SIK2: variants seen among roughly 807,000 people sequenced by gnomAD.
SIK2 encodes the protein salt inducible kinase 2.
SIK2 carries 29 observed loss-of-function variants against 103.2 expected under a neutral mutation model. The observed-to-expected ratio is 0.28, with a 90% CI of 0.21 to 0.38. The LOEUF is 0.38. SIK2 is among the 10% of genes least tolerant of loss of function. SIK2 has a pLI of 1.00. For missense variants in SIK2, 879 were observed against 1,171.0 expected, an observed-to-expected ratio of 0.75 and a Z score of 3.64; for synonymous variants, 412 against 446.1, an observed-to-expected ratio of 0.92 and a Z score of 0.96.
At chr11:111,717,528 G>A (rs570580580) in intron 9 of SIK2, among the ~76,000 whole-genome samples, 18 of 152,258 alleles carry the variant, frequency 1.2e-4, no homozygotes, top group Admixed American at 1.0e-3. Flanking sequence ...GTGGAAGACA[G>A]TGTGGCAATT....
intron 3 of SIK2, among the ~76,000 whole-genome samples, chr11:111,651,565 T>C (rs1349036316): frequency 1.3e-5 from 2 of 152,148 alleles, no homozygotes; most frequent in Admixed American, 1.3e-4. Context: ...TCAGGATAAA[T>C]AGCTAATGCA....
At chr11:111,606,956 G>GAAAA (rs61590310) in intron 1 of SIK2, among the ~76,000 whole-genome samples, 9 of 139,360 alleles carry the variant, frequency 6.5e-5, no homozygotes, top group South Asian at 2.2e-4. Context: ...TCATTAAAAA[G>GAAAA]AAAAAAAAAA....
rs757951125 is a variant in SIK2, at chr11:111,720,926, A to G, written c.1808A>G (p.Gln603Arg). ...ATTGTAGCATTTAGACAACATCTTC[A>G]GAATCTGGCTAGAACCAAAGGAATT... ...QGIVAFRQHL[Q>R]NLARTKGILE... The change falls in exon 12 of 15, where the codon CAG becomes CGG. Residue 603 changes from glutamine to arginine, a missense_variant. By Grantham distance (43) the Gln-to-Arg change is conservative. Around this residue, in one of 7 missense-constraint regions of SIK2, gnomAD observed 375 missense variants for 416.3 expected, o/e 0.90. Coordinates refer to ENST00000304987, the MANE Select transcript of SIK2 (RefSeq NM_015191.3). 30 of 1,613,838 alleles carry G rather than the reference A, an allele frequency of 1.9e-5. No homozygotes were observed. Among genetic ancestry groups the G allele is most frequent in the Non-Finnish European group, 8.5e-7 (1 of 1,179,972 alleles).
Position 111,727,256 on chromosome 11 carries a change from G to C in SIK2, c.*3127G>C, listed in dbSNP as rs1944002956. The C allele has an allele frequency of 1.7e-6, 1 of 597,982 alleles. No homozygotes were observed. Among genetic ancestry groups the C allele is most frequent in the Non-Finnish European group, 3.0e-6 (1 of 335,620 alleles). The allele number at this position is 597,982 out of a possible 1,614,324, so 37.0% of individuals were successfully genotyped here. ...GTGGGAGAGCATCAGGGCCCACCAG[G>C]GGAGTGGGGATGGGGCTCAGGGGCT... On this transcript the variant is annotated 3_prime_UTR_variant, in exon 15 of 15. Transcript: ENST00000304987.
chr11:111,699,877 A>C (rs1943169972), intron 4 of SIK2, among the ~76,000 whole-genome samples: 1 of 152,194 alleles, frequency 6.6e-6, no homozygotes, highest in Admixed American at 6.5e-5. Flanking sequence ...CTGGCAGTAG[A>C]GACTTGATCC....
Position 111,705,163 on chromosome 11 carries a change from C to A in SIK2, c.1101+24C>A. ...AGGTAATGCCCCCTTAGCTGAGAGTCTTATCTGTGCATGTGCCTGTTCACA... is the reference window on the plus strand; with the variant it reads ...AGGTAATGCCCCCTTAGCTGAGAGTATTATCTGTGCATGTGCCTGTTCACA... On this transcript the variant is annotated intron_variant, in intron 8 of 14. Coordinates refer to ENST00000304987, the MANE Select transcript of SIK2 (RefSeq NM_015191.3). This position sits in a 1 kb window ranked among gnomAD's most constrained non-coding sequence, Gnocchi z 4.3. 1.3e-6 allele frequency: 2 copies of A among 1,536,290 alleles called. No homozygotes were observed. The highest frequency in any genetic ancestry group is 2.7e-5 in the South Asian group (2 of 75,454).
Position 111,619,244 on chromosome 11 carries a change from G to A in SIK2, c.253-1095G>A, listed in dbSNP as rs11213953. Among the ~76,000 whole-genome samples, 1,512 of 152,178 alleles carry A rather than the reference G, an allele frequency of 9.9e-3. 12 individuals are homozygous for A. Among genetic ancestry groups the A allele is most frequent in the Admixed American group, 0.021 (316 of 15,284 alleles). On this transcript the variant is annotated intron_variant, in intron 2 of 14. Transcript: ENST00000304987. ...TAGCTTTTAGTTTTCTGACCTCGTGGAGAATAGTCTTAAACCTACATCTTA... is the reference window on the plus strand; with the variant it reads ...TAGCTTTTAGTTTTCTGACCTCGTGAAGAATAGTCTTAAACCTACATCTTA...
intron 1 of SIK2, among the ~76,000 whole-genome samples, chr11:111,609,522 A>T (rs1009575248): frequency 6.6e-6 from 1 of 152,176 alleles, no homozygotes; most frequent in African/African-American, 2.4e-5. Flanking sequence ...AGGTTTTGCC[A>T]TGTTGCCCAA....
chr11:111,659,901 G>C (rs1942445359), intron 3 of SIK2, among the ~76,000 whole-genome samples: 1 of 152,204 alleles, frequency 6.6e-6, no homozygotes, highest in Non-Finnish European at 1.5e-5. Context: ...GGAGACACAG[G>C]TTCTTTGCAT....
At chr11:111,669,719 A>G (rs892076880) in intron 3 of SIK2, among the ~76,000 whole-genome samples, 2 of 152,120 alleles carry the variant, frequency 1.3e-5, no homozygotes, top group Admixed American at 1.3e-4. Flanking sequence ...GGCTGTGGCA[A>G]TTTACCCAGT....
chr11:111,660,078 T>A (rs1942447550), intron 3 of SIK2, among the ~76,000 whole-genome samples: 1 of 152,210 alleles, frequency 6.6e-6, no homozygotes. Context: ...AACCTCATGT[T>A]TCATTGGCTG....
intron 8 of SIK2, among the ~76,000 whole-genome samples, chr11:111,707,295 C>T (rs1432818089): frequency 2.0e-5 from 3 of 152,178 alleles, no homozygotes; most frequent in African/African-American, 4.8e-5. Flanking sequence ...TTCCTGAGCA[C>T]GTGCATGTGT....
At chr11:111,650,245 T>C (rs1332970379) in intron 3 of SIK2, among the ~76,000 whole-genome samples, 1 of 152,044 alleles carries the variant, frequency 6.6e-6, no homozygotes. Context: ...CATGACTTGA[T>C]TAAGCCATCT....
intron 7 of SIK2, among the ~76,000 whole-genome samples, chr11:111,704,711 C>T (rs1416412990): frequency 6.6e-6 from 1 of 152,068 alleles, no homozygotes; most frequent in African/African-American, 2.4e-5. Context: ...ACAATGATGG[C>T]ATTTTCTCTG....
Position 111,602,963 on chromosome 11 carries a change from C to T in SIK2, c.135+265C>T, listed in dbSNP as rs542171962. On this transcript the variant is annotated intron_variant, in intron 1 of 14. Coordinates refer to ENST00000304987, the MANE Select transcript of SIK2 (RefSeq NM_015191.3). This position sits in a 1 kb window ranked among gnomAD's most constrained non-coding sequence, Gnocchi z 4.5. ...GCTTTGCTTTCCCCTACGCCACCCC[C>T]GGTGGCCACCCGGAATTTCGCCCAG... is the stretch of plus-strand genomic sequence containing the variant. 1.3e-5 allele frequency among the ~76,000 whole-genome samples: 2 copies of T among 151,784 alleles called. No homozygotes were observed. Among genetic ancestry groups the T allele is most frequent in the East Asian group, 3.9e-4 (2 of 5,104 alleles).
chr11:111,638,415 C>T (rs1242861990), intron 3 of SIK2, among the ~76,000 whole-genome samples: 1 of 152,188 alleles, frequency 6.6e-6, no homozygotes, highest in East Asian at 1.9e-4. Flanking sequence ...ACCTGATCAT[C>T]CTTATTTTAG....
At chr11:111,690,091 T>C (rs7947113) in intron 4 of SIK2, among the ~76,000 whole-genome samples, 4,793 of 152,202 alleles carry the variant, frequency 0.031, 242 homozygotes, top group African/African-American at 0.11. Flanking sequence ...ACTTTCATAG[T>C]TTATGTCTGT....
At chr11:111,657,604 G>A (rs867138878) in intron 3 of SIK2, among the ~76,000 whole-genome samples, 3 of 152,182 alleles carry the variant, frequency 2.0e-5, no homozygotes, top group Admixed American at 6.5e-5. Context: ...GCCCAGGCTG[G>A]CCTCGAGGTC....
At chr11:111,632,232 G>A (rs774104094) in intron 3 of SIK2, among the ~76,000 whole-genome samples, 8 of 152,190 alleles carry the variant, frequency 5.3e-5, no homozygotes, top group Middle Eastern at 3.4e-3. Context: ...CCTCTTCCTC[G>A]AAGAAAGCAA....
Sources: allele counts gnomAD v4.1 joint callset (sites outside exome capture counted in the v4.1 genomes callset), GRCh38; gene constraint gnomAD v4.1.1; regional missense constraint gnomAD v4.1.1; non-coding constraint Gnocchi (gnomAD v3.1); transcripts MANE v1.5; gene names NCBI Gene and HGNC (gene_info 2026-07-23, HGNC 2026-07-21).